The following ITPRID1 variants were observed in gnomAD, a reference collection of about 807,000 sequenced individuals.
ITPRID1 encodes ITPR interacting domain containing 1.
A neutral mutation model predicts 95.4 loss-of-function variants in ITPRID1; 96 were observed. The ratio of observed to expected loss-of-function variants is 1.01; its 90% CI spans 0.85 to 1.19. ITPRID1 has a LOEUF of 1.19. Among genes scored for constraint, ITPRID1 ranks in the 50% most tolerant of loss-of-function variants. The probability of loss-of-function intolerance (pLI) is 0.00; values close to 1 mark genes in which losing one functional copy is unlikely to be tolerated. For synonymous variants in ITPRID1, 510 were observed against 453.6 expected (o/e 1.12, Z -1.58); for missense variants, 1,339 against 1,252.9 (o/e 1.07, Z -1.04).
chr7:31,529,056 C>T (rs760382428), intron 1 of ITPRID1, among the ~76,000 whole-genome samples: 2 of 152,178 alleles, frequency 1.3e-5, no homozygotes, highest in Non-Finnish European at 2.9e-5. Flanking sequence ...GAAATCGTCT[C>T]ATCTCTCAAC....
intron 10 of ITPRID1, among the ~76,000 whole-genome samples, chr7:31,605,786 G>T (rs928315185): frequency 3.9e-5 from 6 of 152,166 alleles, no homozygotes; most frequent in Non-Finnish European, 8.8e-5. Flanking sequence ...CCAGAGGTGA[G>T]GCTGATTCTT....
At chr7:31,610,918 A>G (rs1344179487) in intron 10 of ITPRID1, among the ~76,000 whole-genome samples, 1 of 151,584 alleles carries the variant, frequency 6.6e-6, no homozygotes, top group East Asian at 1.9e-4. Context: ...CATGCTGCCA[A>G]TCTCTTTTGA....
rs1790141603 is a variant in ITPRID1, at chr7:31,642,780, A to G, written c.1410A>G (p.Leu470=). The change falls in exon 12 of 15, where the codon CTA becomes CTG. Residue 470 remains leucine, a synonymous_variant. Coordinates refer to ENST00000615280, the MANE Select transcript of ITPRID1 (RefSeq NM_001257967.3). ...TAGTATCATCCCAGGACTGTCAGCT[A>G]GAGTCGGATGGGCCAGATTCCAAAA... ...HSLVSSQDCQ[L]ESDGPDSKSR... The G allele has an allele frequency of 6.2e-7, 1 of 1,613,898 alleles. No homozygotes were observed. The highest frequency in any genetic ancestry group is 1.3e-5 in the African/African-American group (1 of 74,930).
At chr7:31,563,814 G>A (rs1316104612) in intron 5 of ITPRID1, among the ~76,000 whole-genome samples, 1 of 152,160 alleles carries the variant, frequency 6.6e-6, no homozygotes, top group Non-Finnish European at 1.5e-5. Context: ...AAACAGACAA[G>A]TGGGTGAAAA....
At chr7:31,657,206 T>C (rs1265383675), downstream of ITPRID1, among the ~76,000 whole-genome samples, 1 of 13,086 alleles carries the variant, frequency 7.6e-5, no homozygotes, top group Middle Eastern at 0.025. Flanking sequence ...TCAAAAAGAC[T>C]GTAAGTTGTC....
intron 10 of ITPRID1, among the ~76,000 whole-genome samples, chr7:31,627,514 C>T (rs577956337): frequency 5.9e-5 from 9 of 152,068 alleles, no homozygotes; most frequent in African/African-American, 2.2e-4. Flanking sequence ...AAAAATTAGT[C>T]CAATGGGATG....
intron 11 of ITPRID1, among the ~76,000 whole-genome samples, 167 bp from the exon 12 acceptor site, chr7:31,642,515 C>G (rs911456112): frequency 2.0e-5 from 3 of 152,180 alleles, no homozygotes; most frequent in Non-Finnish European, 2.9e-5. Context: ...GGAGGCTGAG[C>G]CTCCTAGAGA....
rs80043979 is a variant in ITPRID1 at position 31,520,904 on chromosome 7, G to C, written c.-98+6784G>C. ...TACATGAATTATTCTAGACTCTTCT[G>C]CTTGCTTAGTTGTAGATTTCCACAA... On this transcript the variant is annotated intron_variant, in intron 1 of 14. Coordinates refer to ENST00000615280, the MANE Select transcript of ITPRID1 (RefSeq NM_001257967.3). Among the ~76,000 whole-genome samples, 93 of 151,676 alleles carry C rather than the reference G, an allele frequency of 6.1e-4. 1 individual carries two copies. The highest frequency in any genetic ancestry group is 1.9e-3 in the African/African-American group (77 of 41,384).
chr7:31,599,999 GTTA>G lies in ITPRID1; in HGVS notation c.1228+16811_1228+16813del, dbSNP rs1786324975. ...AGGCGTGAGCCACCGCACCCAGCCA[GTTA>G]TTTTCTATATTTTCTATGTGTTTGA... On this transcript the variant is annotated intron_variant, in intron 10 of 14. Coordinates refer to ENST00000615280, the MANE Select transcript of ITPRID1 (RefSeq NM_001257967.3). 3.3e-5 allele frequency among the ~76,000 whole-genome samples: 5 copies of G among 151,952 alleles called. No individual in the cohort carries two copies. In the South Asian group the frequency reaches 1.0e-3, roughly 32 times the overall value.
chr7:31,594,581 G>A (rs1159548402), intron 10 of ITPRID1, among the ~76,000 whole-genome samples: 1 of 152,204 alleles, frequency 6.6e-6, no homozygotes, highest in Non-Finnish European at 1.5e-5. Flanking sequence ...TTTTGGCTGG[G>A]TGTGGTGGCT....
At chr7:31,642,378 C>CA in intron 11 of ITPRID1, 120 bp downstream of exon 11, 1 of 732,508 alleles carries the variant, frequency 1.4e-6, no homozygotes. Flanking sequence ...TGTTTTAAAT[C>CA]AAGCCACAAT....
intron 10 of ITPRID1, among the ~76,000 whole-genome samples, chr7:31,621,232 G>T (rs1316672777): frequency 1.3e-5 from 2 of 148,252 alleles, no homozygotes; most frequent in Admixed American, 1.4e-4. Flanking sequence ...GCAGGCCAAC[G>T]TTCAGATTCA....
At chr7:31,605,820 A>G (rs1786597039) in intron 10 of ITPRID1, among the ~76,000 whole-genome samples, 1 of 152,184 alleles carries the variant, frequency 6.6e-6, no homozygotes, top group South Asian at 2.1e-4. Context: ...GAGGTTGGAA[A>G]GTGGCTCAGT....
At chr7:31,561,860 T>G (rs529009004) in intron 5 of ITPRID1, among the ~76,000 whole-genome samples, 1 of 151,934 alleles carries the variant, frequency 6.6e-6, no homozygotes. Context: ...CATGTCTGAG[T>G]CTCAGTTTGG....
chr7:31,646,315 A>G (rs1790463212), intron 12 of ITPRID1, among the ~76,000 whole-genome samples: 1 of 152,142 alleles, frequency 6.6e-6, no homozygotes, highest in African/African-American at 2.4e-5. Context: ...TCTGTGAGGT[A>G]CTAGGGGTGT....
At chr7:31,546,580 T>TCAAA (rs755039543) in intron 1 of ITPRID1, among the ~76,000 whole-genome samples, 2 of 152,158 alleles carry the variant, frequency 1.3e-5, no homozygotes, top group Non-Finnish European at 2.9e-5. Context: ...CTGCTAAATA[T>TCAAA]CAAACAGTCC....
intron 10 of ITPRID1, among the ~76,000 whole-genome samples, chr7:31,623,710 GGAAAAC>G (rs2128182880): frequency 7.2e-6 from 1 of 138,290 alleles, no homozygotes; most frequent in Admixed American, 7.5e-5. Context: ...AGTTTTCAAA[GGAAAAC>G]TTTGAAACCT....
chr7:31,629,954 A>G (rs1225929080), intron 10 of ITPRID1, among the ~76,000 whole-genome samples: 1 of 152,186 alleles, frequency 6.6e-6, no homozygotes, highest in Non-Finnish European at 1.5e-5. Context: ...TGATATAAAT[A>G]TAATAAATAT....
chr7:31,552,044 A>G lies in ITPRID1; in HGVS notation c.-23-958A>G, dbSNP rs557374910. 433 of 341,288 alleles carry G rather than the reference A, an allele frequency of 1.3e-3. 57 individuals are homozygous for G. Among genetic ancestry groups the G allele is most frequent in the South Asian group, 8.2e-3 (365 of 44,542 alleles). 21.1% of individuals were successfully genotyped at this position (341,288 alleles called of 1,614,324 possible). ...TAGAGATACATAAATGAGTAAGAGA[A>G]TGGCCCTTGTTCTCATGGTGCTTAT... is the stretch of plus-strand genomic sequence containing the variant. On this transcript the variant is annotated intron_variant, in intron 2 of 14. Coordinates refer to ENST00000615280, the MANE Select transcript of ITPRID1 (RefSeq NM_001257967.3).
Sources: gnomAD v4.1 joint callset for allele counts (sites outside exome capture counted in the v4.1 genomes callset) on GRCh38, gnomAD v4.1.1 for gene constraint, MANE v1.5 for transcripts, NCBI Gene and HGNC (gene_info 2026-07-23, HGNC 2026-07-21) for gene names.